Variants in PLCB1 observed in about 807,000 individuals in gnomAD.
PLCB1 encodes 1-phosphatidylinositol 4,5-bisphosphate phosphodiesterase beta-1.
A neutral mutation model predicts 161.8 loss-of-function variants in PLCB1; 46 were observed. That is an observed-to-expected ratio of 0.28 (90% CI 0.22 to 0.36). The LOEUF is 0.36. PLCB1 is among the 10% of genes least tolerant of loss of function. The pLI, the probability that PLCB1 is intolerant of heterozygous loss-of-function variation, is 1.00. For missense variants in PLCB1, 1,016 were observed against 1,472.5 expected (o/e 0.69, Z 5.07); for synonymous variants, 517 against 503.7 (o/e 1.03, Z -0.35).
At chr20:8,245,771 T>G (rs1980848474) in intron 2 of PLCB1, among the ~76,000 whole-genome samples, 1 of 151,930 alleles carries the variant, frequency 6.6e-6, no homozygotes, top group South Asian at 2.1e-4. Flanking sequence ...ACAATCAAAT[T>G]TGTTTGTGTT....
At chr20:8,228,701 T>TTTA (rs1979838292) in intron 2 of PLCB1, among the ~76,000 whole-genome samples, 1 of 149,452 alleles carries the variant, frequency 6.7e-6, no homozygotes, top group Admixed American at 6.7e-5. Flanking sequence ...TATTTATTTA[T>TTTA]CTATTTGTAG....
intron 31 of PLCB1, among the ~76,000 whole-genome samples, chr20:8,837,268 G>A (rs758280785): frequency 2.2e-4 from 34 of 152,060 alleles, no homozygotes; most frequent in Non-Finnish European, 3.4e-4. Context: ...GTCCAAAGAG[G>A]CCCCTAAAGG....
intron 3 of PLCB1, among the ~76,000 whole-genome samples, chr20:8,391,745 A>T (rs1454046691): frequency 7.0e-6 from 1 of 143,298 alleles, no homozygotes; most frequent in African/African-American, 2.6e-5. Flanking sequence ...ATGTTCTGTG[A>T]GACTGGTAAA....
At chr20:8,516,909 A>C (rs1206867809) in intron 3 of PLCB1, among the ~76,000 whole-genome samples, 1 of 151,938 alleles carries the variant, frequency 6.6e-6, no homozygotes, top group Non-Finnish European at 1.5e-5. Context: ...TCCAGGCTTT[A>C]CAGTTCTTAG....
intron 31 of PLCB1, among the ~76,000 whole-genome samples, chr20:8,842,225 G>T (rs958033692): frequency 6.6e-6 from 1 of 152,076 alleles, no homozygotes; most frequent in South Asian, 2.1e-4. Flanking sequence ...TGCTTACATA[G>T]AAAGCGCATG....
intron 9 of PLCB1, among the ~76,000 whole-genome samples, chr20:8,672,188 A>G (rs1989962710): frequency 6.6e-6 from 1 of 152,164 alleles, no homozygotes; most frequent in East Asian, 1.9e-4. Flanking sequence ...CTTGGGCACA[A>G]ACCTTGAGCA....
intron 2 of PLCB1, among the ~76,000 whole-genome samples, chr20:8,182,848 T>A (rs2051859492): frequency 6.6e-6 from 1 of 152,148 alleles, no homozygotes; most frequent in South Asian, 2.1e-4. Context: ...CCCAAAGTGC[T>A]GGGATTACAG....
chr20:8,708,641 A>T (rs1314602893), intron 11 of PLCB1, 29 bp from the exon 12 acceptor site: 1 of 1,408,666 alleles, frequency 7.1e-7, no homozygotes, highest in African/African-American at 1.4e-5. Flanking sequence ...ATTCTGGCAT[A>T]CTGAATATAC....
At chr20:8,673,380 C>T (rs537237441) in intron 9 of PLCB1, among the ~76,000 whole-genome samples, 2 of 152,320 alleles carry the variant, frequency 1.3e-5, no homozygotes, top group South Asian at 4.1e-4. Context: ...TTCTAGTCCC[C>T]TTTTCCAGTC....
chr20:8,778,286 T>C (rs936114732), intron 27 of PLCB1, among the ~76,000 whole-genome samples: 1 of 152,102 alleles, frequency 6.6e-6, no homozygotes, highest in African/African-American at 2.4e-5. Flanking sequence ...TTGGGGAGAT[T>C]TGAGCTGCAG....
chr20:8,506,999 C>T (rs6108144), intron 3 of PLCB1, among the ~76,000 whole-genome samples: 1,699 of 152,192 alleles, frequency 0.011, 34 homozygotes, highest in African/African-American at 0.039. Flanking sequence ...GACTAAGAGC[C>T]TACTGTTGAC....
At chr20:8,529,994 C>G (rs1200431044) in intron 3 of PLCB1, among the ~76,000 whole-genome samples, 2 of 152,116 alleles carry the variant, frequency 1.3e-5, no homozygotes, top group African/African-American at 4.8e-5. Context: ...TGGAGGAGAG[C>G]TGTGTGGCTC....
At chr20:8,788,251 A>G (rs1983584432) in intron 27 of PLCB1, among the ~76,000 whole-genome samples, 198 bp from the exon 28 acceptor site, 1 of 152,214 alleles carries the variant, frequency 6.6e-6, no homozygotes, top group Non-Finnish European at 1.5e-5. Context: ...GAAGAATTTC[A>G]TATTAAAACC....
chr20:8,649,501 A>G, intron 7 of PLCB1, 52 bp downstream of exon 7: 1 of 1,275,024 alleles, frequency 7.8e-7, no homozygotes, highest in Non-Finnish European at 1.1e-6. Flanking sequence ...TCCAAAACTC[A>G]TGTTGAAACT....
At chr20:8,318,758 GT>G (rs1310130898) in intron 2 of PLCB1, among the ~76,000 whole-genome samples, 1 of 152,016 alleles carries the variant, frequency 6.6e-6, no homozygotes, top group Non-Finnish European at 1.5e-5. Context: ...AAAAATAAAT[GT>G]TTTCAGTGGG....
At chr20:8,408,830 A>T (rs80054490) in intron 3 of PLCB1, among the ~76,000 whole-genome samples, 50 of 152,214 alleles carry the variant, frequency 3.3e-4, no homozygotes, top group African/African-American at 1.1e-3. Context: ...TGCCCACGCC[A>T]CAAATATAGT....
intron 3 of PLCB1, chr20:8,372,279 CTTTTG>C (rs772944198): frequency 1.5e-4 from 23 of 152,024 alleles, no homozygotes; most frequent in Non-Finnish European, 3.1e-4. Context: ...CTTCCCACAA[CTTTTG>C]TTTTATCTTT....
chr20:8,698,042 C>T (rs914130685), intron 11 of PLCB1, among the ~76,000 whole-genome samples: 2 of 152,248 alleles, frequency 1.3e-5, no homozygotes, highest in Non-Finnish European at 2.9e-5. Context: ...CTCTTTAGCA[C>T]TCTTACTCCT....
At chr20:8,515,055 G>A (rs960583537) in intron 3 of PLCB1, among the ~76,000 whole-genome samples, 15 of 151,998 alleles carry the variant, frequency 9.9e-5, no homozygotes, top group African/African-American at 3.6e-4. Context: ...CTTATGACAG[G>A]AAGACAAAAA....
Sources: allele counts gnomAD v4.1 joint callset (sites outside exome capture counted in the v4.1 genomes callset), GRCh38; gene constraint gnomAD v4.1.1; transcripts MANE v1.5; gene names NCBI Gene and HGNC (gene_info 2026-07-23, HGNC 2026-07-21).